PTPRT: variants seen among roughly 807,000 people sequenced by gnomAD.
The protein encoded by PTPRT is protein tyrosine phosphatase receptor type T.
In PTPRT, 56 loss-of-function variants were observed where a neutral mutation model predicts 176.8. The observed-to-expected ratio is 0.32, with a 90% CI of 0.26 to 0.40. PTPRT has a LOEUF of 0.40. PTPRT is among the 10% of genes least tolerant of loss of function. The pLI is 1.00. For missense variants in PTPRT, 1,540 were observed against 1,908.2 expected, an observed-to-expected ratio of 0.81 and a Z score of 3.60; for synonymous variants, 783 against 739.0, an observed-to-expected ratio of 1.06 and a Z score of -0.96.
At chr20:42,986,716 C>A (rs989301626) in intron 1 of PTPRT, among the ~76,000 whole-genome samples, 9 of 152,196 alleles carry the variant, frequency 5.9e-5, no homozygotes, top group African/African-American at 2.2e-4. Flanking sequence ...TCATTTGAGG[C>A]TCATGAAACT....
chr20:43,148,660 C>A (rs2014246518), intron 1 of PTPRT, among the ~76,000 whole-genome samples: 1 of 152,170 alleles, frequency 6.6e-6, no homozygotes, highest in Non-Finnish European at 1.5e-5. Context: ...AACCCCAAAA[C>A]CATCCCAGCT....
rs71193679 is a variant in PTPRT at position 43,180,341 on chromosome 20, A to ATCTCTCTCTCTCTCTCTCTCTC, written c.88+9283_88+9304dup. Among the ~76,000 whole-genome samples, 133 of 115,050 alleles carry ATCTCTCTCTCTCTCTCTCTCTC rather than the reference A, an allele frequency of 1.2e-3. 4 individuals carry two copies. Among genetic ancestry groups the ATCTCTCTCTCTCTCTCTCTCTC allele is most frequent in the African/African-American group, 2.5e-3 (73 of 29,106 alleles). 75.5% of individuals were successfully genotyped at this position (115,050 alleles called of 152,430 possible). A position where few individuals can be genotyped will look rare whatever the true frequency, so the allele number is the denominator to read the frequency against. On this transcript the variant is annotated intron_variant, in intron 1 of 30. Coordinates refer to ENST00000373187, the MANE Select transcript of PTPRT (RefSeq NM_007050.6). ...GCCAATTCCTATAAGAAATGAATCA[A>ATCTCTCTCTCTCTCTCTCTCTC]TCTCTCTCTCTCTCTCTCTCTCTCT... is the stretch of plus-strand genomic sequence containing the variant.
rs1373610859 is a variant in PTPRT at position 42,080,106 on chromosome 20, G to A, written c.*773C>T. 7 of 232,834 alleles carry A rather than the reference G, an allele frequency of 3.0e-5. 1 individual carries two copies. In the South Asian group the frequency reaches 7.2e-4, roughly 24 times the overall value. 14.4% of individuals were successfully genotyped at this position (232,834 alleles called of 1,614,324 possible). ...GCCCAAGCCCTGCCCCAGGGAGGTGGTCCCTTTTTACAAAGACAAGGAGGA... is the reference window on the plus strand; with the variant it reads ...GCCCAAGCCCTGCCCCAGGGAGGTGATCCCTTTTTACAAAGACAAGGAGGA... On this transcript the variant is annotated 3_prime_UTR_variant, in exon 31 of 31. Transcript: ENST00000373187.
chr20:42,565,260 C>T (rs1158327292), intron 7 of PTPRT, among the ~76,000 whole-genome samples: 25 of 152,148 alleles, frequency 1.6e-4, no homozygotes, highest in Admixed American at 1.6e-3. Flanking sequence ...GCAAACCCCA[C>T]GTTGCTGTGT....
At chr20:42,919,395 G>A (rs73910624) in intron 1 of PTPRT, among the ~76,000 whole-genome samples, 1 of 152,266 alleles carries the variant, frequency 6.6e-6, no homozygotes, top group African/African-American at 2.4e-5. Flanking sequence ...TCTACAGATG[G>A]ATGACAATGG....
At chr20:42,870,696 A>C (rs2078830462) in intron 2 of PTPRT, among the ~76,000 whole-genome samples, 1 of 152,236 alleles carries the variant, frequency 6.6e-6, no homozygotes, top group Admixed American at 6.5e-5. Context: ...TAAATGATAC[A>C]TGATTCTATT....
At chr20:42,333,962 T>C (rs2058004889) in intron 11 of PTPRT, among the ~76,000 whole-genome samples, 1 of 152,176 alleles carries the variant, frequency 6.6e-6, no homozygotes, top group South Asian at 2.1e-4. Context: ...ATTACAGGCA[T>C]AAGCCACCAT....
At chr20:42,143,927 T>C (rs942021865) in intron 17 of PTPRT, among the ~76,000 whole-genome samples, 2 of 152,232 alleles carry the variant, frequency 1.3e-5, no homozygotes, top group Admixed American at 1.3e-4. Flanking sequence ...GGGTAGTTAC[T>C]GATCAATTCG....
At chr20:42,507,923 T>A (rs926217332) in intron 7 of PTPRT, among the ~76,000 whole-genome samples, 5 of 150,094 alleles carry the variant, frequency 3.3e-5, no homozygotes, top group African/African-American at 1.2e-4. Context: ...CACAAAGGGG[T>A]CACATAGGTA....
At chr20:42,964,647 A>C (rs1317708847) in intron 1 of PTPRT, among the ~76,000 whole-genome samples, 2 of 152,206 alleles carry the variant, frequency 1.3e-5, no homozygotes, top group South Asian at 4.1e-4. Context: ...ATATTGATTT[A>C]AAGACATATA....
At chr20:42,981,208 T>G (rs1983252970) in intron 1 of PTPRT, among the ~76,000 whole-genome samples, 1 of 152,246 alleles carries the variant, frequency 6.6e-6, no homozygotes, top group African/African-American at 2.4e-5. Flanking sequence ...CAGTTCCAAC[T>G]GTGTAAATGT....
chr20:43,151,231 G>A (rs142128463), intron 1 of PTPRT, among the ~76,000 whole-genome samples: 3,456 of 151,346 alleles, frequency 0.023, 147 homozygotes, highest in African/African-American at 0.08. Context: ...GCTTGAACCC[G>A]GGAGGCGGAG....
intron 19 of PTPRT, among the ~76,000 whole-genome samples, chr20:42,125,043 A>G (rs1987786034): frequency 6.6e-6 from 1 of 152,036 alleles, no homozygotes; most frequent in Non-Finnish European, 1.5e-5. Flanking sequence ...TGACCTTGTC[A>G]CTCAATCAAG....
chr20:42,634,380 A>G (rs73110425), intron 7 of PTPRT, among the ~76,000 whole-genome samples: 10,979 of 150,702 alleles, frequency 0.073, 552 homozygotes, highest in Non-Finnish European at 0.11. Flanking sequence ...TCCATGATAG[A>G]GATGACAGAG....
intron 16 of PTPRT, among the ~76,000 whole-genome samples, chr20:42,179,797 T>C (rs1990439405): frequency 6.6e-6 from 1 of 152,026 alleles, no homozygotes; most frequent in Non-Finnish European, 1.5e-5. Context: ...ATGGGGTAGG[T>C]GTACCGGAAT....
chr20:43,163,984 G>A (rs938689131), intron 1 of PTPRT, among the ~76,000 whole-genome samples: 1 of 152,162 alleles, frequency 6.6e-6, no homozygotes, highest in Non-Finnish European at 1.5e-5. Context: ...ATGGGAGGAC[G>A]ACTTCTAAAA....
chr20:43,028,946 A>G (rs206163), intron 1 of PTPRT, among the ~76,000 whole-genome samples: 88,827 of 151,994 alleles, frequency 0.58, 29,519 homozygotes, highest in South Asian at 0.75. Flanking sequence ...CTCAGAGTCA[A>G]TTCTTTATGC....
chr20:42,524,985 C>G (rs2072243214), intron 7 of PTPRT, among the ~76,000 whole-genome samples: 1 of 152,084 alleles, frequency 6.6e-6, no homozygotes, highest in Non-Finnish European at 1.5e-5. Context: ...TGTTCTCAAT[C>G]CATTATCCCA....
intron 15 of PTPRT, among the ~76,000 whole-genome samples, chr20:42,219,250 G>A (rs970486033): frequency 3.9e-5 from 6 of 152,118 alleles, no homozygotes; most frequent in South Asian, 2.1e-4. Flanking sequence ...AAGTCTGGTC[G>A]GTGTTTGTTT....
Sources: allele counts gnomAD v4.1 joint callset (sites outside exome capture counted in the v4.1 genomes callset), GRCh38; gene constraint gnomAD v4.1.1; transcripts MANE v1.5; gene names NCBI Gene and HGNC (gene_info 2026-07-23, HGNC 2026-07-21).